The following USP40 variants were observed in gnomAD, a reference collection of about 807,000 sequenced individuals.
USP40 encodes the protein ubiquitin specific peptidase 40, also known as ubiquitin carboxyl-terminal hydrolase 40.
USP40 carries 143 observed loss-of-function variants against 166.2 expected under a neutral mutation model. The observed-to-expected ratio is 0.86, with a 90% CI of 0.75 to 0.99. The LOEUF (loss-of-function observed/expected upper bound fraction) is 0.99. Ranked by LOEUF, USP40 falls within the 50% of genes least tolerant of loss-of-function variation. USP40 has a pLI of 0.00. For missense variants in USP40, 1,444 were observed against 1,479.7 expected (o/e 0.98, Z 0.40); for synonymous variants, 498 against 524.0 (o/e 0.95, Z 0.68).
Position 233,485,513 on chromosome 2 carries a change from TG to T in USP40, c.3504+17del. 6.3e-7 allele frequency: 1 copy of T among 1,596,352 alleles called. No individual in the cohort carries two copies. Among genetic ancestry groups the T allele is most frequent in the Non-Finnish European group, 8.6e-7 (1 of 1,165,672 alleles). On this transcript the variant is annotated intron_variant, in intron 30 of 31. Coordinates refer to ENST00000678225, the MANE Select transcript of USP40 (RefSeq NM_001365479.2). ...TCGTGTCTTCTCAAAGTGGTAAATT[TG>T]CTGTTAAACAACTTACCTTAACACC...
intron 20 of USP40, 39 bp downstream of exon 20, chr2:233,511,670 A>C (rs770536852): frequency 6.5e-7 from 1 of 1,530,296 alleles, no homozygotes; most frequent in South Asian, 1.2e-5. Flanking sequence ...TGGTTATGGA[A>C]GGGTTGATTT....
intron 3 of USP40, among the ~76,000 whole-genome samples, chr2:233,561,550 C>T (rs1205562874): frequency 7.6e-4 from 113 of 148,258 alleles, no homozygotes; most frequent in Middle Eastern, 3.6e-3. Context: ...TTCCTTACAC[C>T]TTATACAAAA....
At chr2:233,489,540 AC>A in intron 26 of USP40, 57 bp from the exon 27 acceptor site, 2 of 1,396,462 alleles carry the variant, frequency 1.4e-6, no homozygotes, top group Non-Finnish European at 1.9e-6. Context: ...TTCAAAACAT[AC>A]TGTTTTAGAA....
At chr2:233,526,385 G>A (rs1317693739) in intron 13 of USP40, among the ~76,000 whole-genome samples, 2 of 151,998 alleles carry the variant, frequency 1.3e-5, no homozygotes, top group African/African-American at 2.4e-5. Flanking sequence ...ACATCTGCCT[G>A]TATCAACAGT....
At chr2:233,541,978 G>A (rs1322752072) in intron 9 of USP40, among the ~76,000 whole-genome samples, 1 of 152,056 alleles carries the variant, frequency 6.6e-6, no homozygotes, top group Non-Finnish European at 1.5e-5. Flanking sequence ...ATATCAAAGT[G>A]TTAACAATAA....
At chr2:233,565,292 A>G (rs2125417222) in intron 2 of USP40, 64 bp downstream of exon 2, 1 of 1,243,276 alleles carries the variant, frequency 8.0e-7, no homozygotes, top group Admixed American at 2.3e-5. Context: ...GTGATTTTGC[A>G]TAATTAATTA....
At position 233,510,132 on chromosome 2, in the gene USP40, A is replaced by G; in HGVS notation, c.2530T>C (p.Phe844Leu). The stretch of plus-strand genomic sequence containing the variant: ...TCACTCCCCATTGCAAAAAACAGGA[A>G]CAACTAATAACAAGACAGATGTGTA... ...LGKAPSSSQL[F>L]LFFAMGSDVQ... The change falls in exon 21 of 32, where the codon TTC (phenylalanine) becomes CTC (leucine). Residue 844 changes from phenylalanine to leucine, a missense_variant. Phe to Leu is a conservative substitution (Grantham distance 22, BLOSUM62 0). Coordinates refer to ENST00000678225, the MANE Select transcript of USP40 (RefSeq NM_001365479.2). The G allele has an allele frequency of 6.3e-7, 1 of 1,594,926 alleles. No homozygotes were observed. Among genetic ancestry groups the G allele is most frequent in the African/African-American group, 1.3e-5 (1 of 74,606 alleles).
intron 16 of USP40, 127 bp downstream of exon 16, chr2:233,523,043 G>A (rs59947686): frequency 1.9e-6 from 2 of 1,075,976 alleles, no homozygotes; most frequent in Non-Finnish European, 2.6e-6. Context: ...GCAATATTTA[G>A]AACATAATGT....
intron 2 of USP40, among the ~76,000 whole-genome samples, chr2:233,563,228 T>C (rs1324690642): frequency 6.6e-6 from 1 of 152,150 alleles, no homozygotes; most frequent in Non-Finnish European, 1.5e-5. Context: ...ATGCCCTTTT[T>C]TTTGGTGTGA....
intron 7 of USP40, 66 bp downstream of exon 7, chr2:233,551,310 C>T (rs895735206): frequency 7.4e-6 from 11 of 1,483,886 alleles, no homozygotes; most frequent in Admixed American, 4.7e-5. Flanking sequence ...AACTGAAAAT[C>T]GGGTCAATAA....
chr2:233,485,761 C>T lies in USP40; in HGVS notation c.3408+6G>A. 6.2e-7 allele frequency: 1 copy of T among 1,612,900 alleles called. No homozygotes were observed. Among genetic ancestry groups the T allele is most frequent in the Non-Finnish European group, 8.5e-7 (1 of 1,179,456 alleles). On this transcript the variant is annotated splice_donor_region_variant and intron_variant, in intron 29 of 31. Coordinates refer to ENST00000678225, the MANE Select transcript of USP40 (RefSeq NM_001365479.2). Reference sequence around the variant, plus strand: ...CAATTTCTCTGAGACAGCCCCACAACTTTACCCAGCTAGATATCGGAAGCC... The same window carrying T: ...CAATTTCTCTGAGACAGCCCCACAATTTTACCCAGCTAGATATCGGAAGCC...
rs571974400 is a variant in USP40 at position 233,479,480 on chromosome 2, T to C, written c.3599+1723A>G. ...TGGGAGACTGAGGCAGGAGAATCGCTTGAACCCGGGAGGCGGAGGTTGAAG... is the reference window on the plus strand; with the variant it reads ...TGGGAGACTGAGGCAGGAGAATCGCCTGAACCCGGGAGGCGGAGGTTGAAG... On this transcript the variant is annotated intron_variant, in intron 31 of 31. Coordinates refer to ENST00000678225, the MANE Select transcript of USP40 (RefSeq NM_001365479.2). Among the ~76,000 whole-genome samples, 348 of 151,876 alleles carry C rather than the reference T, an allele frequency of 2.3e-3. 1 individual carries two copies. Among genetic ancestry groups the C allele is most frequent in the African/African-American group, 7.9e-3 (327 of 41,304 alleles).
In USP40 at chr2:233,556,988, T is replaced by C. The variant is rs983363611; in HGVS notation, c.413A>G (p.Asn138Ser). Reference sequence around the variant, plus strand: ...TTCCAAAGCGCTGAAGAGGATTCGATTCAGTTCCTGCACATCATGTTGCCT... The same window carrying C: ...TTCCAAAGCGCTGAAGAGGATTCGACTCAGTTCCTGCACATCATGTTGCCT... ...EMRQHDVQEL[N>S]RILFSALETS... Residue 138 changes from asparagine to serine, a missense_variant, in exon 5 of 32, where the codon AAT becomes AGT. Transcript: ENST00000678225. 1 of 1,613,690 alleles carries C rather than the reference T, an allele frequency of 6.2e-7. No homozygotes were observed. Among genetic ancestry groups the C allele is most frequent in the African/African-American group, 1.3e-5 (1 of 74,926 alleles).
intron 18 of USP40, among the ~76,000 whole-genome samples, chr2:233,516,588 T>G (rs2125185522): frequency 6.6e-6 from 1 of 151,228 alleles, no homozygotes; most frequent in South Asian, 2.1e-4. Flanking sequence ...CTCGAGAGGC[T>G]GAGGCAGGAG....
In USP40 at chr2:233,512,550, A is replaced by G; in HGVS notation, c.2437+19T>C. The G allele has an allele frequency of 1.3e-6, 2 of 1,562,118 alleles. No homozygotes were observed. The highest frequency in any genetic ancestry group is 1.7e-6 in the Non-Finnish European group (2 of 1,154,176). ...AGACGAGTATAAGCCACCTTTTGAA[A>G]GTTATCAAAAAGATTTACCTGGACA... On this transcript the variant is annotated intron_variant, in intron 19 of 31. Transcript: ENST00000678225.
At chr2:233,557,461 AAAC>A (rs1206546751) in intron 4 of USP40, among the ~76,000 whole-genome samples, 1 of 152,272 alleles carries the variant, frequency 6.6e-6, no homozygotes, top group Non-Finnish European at 1.5e-5. Flanking sequence ...TTTGAAGTAA[AAAC>A]AACTAAAACA....
In USP40 at chr2:233,540,712, C is replaced by T. The variant is rs202235068; in HGVS notation, c.1120G>A (p.Gly374Arg). Residue 374 changes from glycine to arginine, a missense_variant, in exon 10 of 32, where the codon GGA becomes AGA. Gly to Arg is a moderately radical substitution (Grantham distance 125). Transcript: ENST00000678225. ...QLGQKLLKKIGISWNKKYRKQ... is the reference protein window; with the variant it reads ...QLGQKLLKKIRISWNKKYRKQ... ...CTGTACTTCTTGTTCCAAGATATTC[C>T]TATCTTTTTCAAAAGTTTCTGGCCC... The T allele has an allele frequency of 8.7e-6, 14 of 1,613,218 alleles. No homozygotes were observed. The highest frequency in any genetic ancestry group is 1.2e-5 in the Non-Finnish European group (14 of 1,179,542).
In USP40 at chr2:233,527,589, G is replaced by A; in HGVS notation, c.1554-11C>T. ...GAATCACATTCTGCCCTTTAAAGAG[G>A]CACAAAAATACATAAATACTGTGTT... On this transcript the variant is annotated splice_polypyrimidine_tract_variant and intron_variant, in intron 12 of 31. Transcript: ENST00000678225. The A allele has an allele frequency of 6.3e-7, 1 of 1,586,956 alleles. No homozygotes were observed. The highest frequency in any genetic ancestry group is 8.6e-7 in the Non-Finnish European group (1 of 1,168,956).
At position 233,556,840 on chromosome 2, in the gene USP40, C is replaced by A; in HGVS notation, c.546+15G>T. 1.2e-6 allele frequency: 2 copies of A among 1,603,384 alleles called. No homozygotes were observed. The highest frequency in any genetic ancestry group is 2.3e-5 in the South Asian group (2 of 88,568). ...TACAACATAACTTATTACTAAAATA[C>A]TCTGGCATATTTACCTGCCTCTCGC... is the stretch of plus-strand genomic sequence containing the variant. On this transcript the variant is annotated intron_variant, in intron 5 of 31. Transcript: ENST00000678225.
Sources: allele counts gnomAD v4.1 joint callset (sites outside exome capture counted in the v4.1 genomes callset), GRCh38; gene constraint gnomAD v4.1.1; transcripts MANE v1.5; gene names NCBI Gene and HGNC (gene_info 2026-07-23, HGNC 2026-07-21).